Variants in STON2 observed in about 807,000 individuals in gnomAD.
STON2 encodes stonin-2.
A neutral mutation model predicts 65.7 loss-of-function variants in STON2; 29 were observed. The observed-to-expected ratio is 0.44, with a 90% CI of 0.33 to 0.60. The LOEUF is 0.60. Ranked by LOEUF, STON2 falls within the 20% of genes least tolerant of loss-of-function variation. The pLI, the probability that STON2 is intolerant of heterozygous loss-of-function variation, is 0.03. For missense variants in STON2, 1,054 were observed against 1,118.1 expected (o/e 0.94, Z 0.82); for synonymous variants, 404 against 414.2 (o/e 0.98, Z 0.30).
At chr14:81,393,855 G>A (rs544195986) in intron 3 of STON2, among the ~76,000 whole-genome samples, 7 of 152,218 alleles carry the variant, frequency 4.6e-5, no homozygotes, top group Non-Finnish European at 7.4e-5. Flanking sequence ...CTTCTTCCAC[G>A]CTGCACTGAG....
chr14:81,351,967 T>C (rs1054662259), intron 4 of STON2, among the ~76,000 whole-genome samples: 3 of 152,228 alleles, frequency 2.0e-5, no homozygotes, highest in African/African-American at 7.2e-5. Flanking sequence ...TCCTAAAGCC[T>C]AGGACGCCTT....
chr14:81,388,960 C>T (rs1175318640), intron 3 of STON2, among the ~76,000 whole-genome samples: 1 of 152,164 alleles, frequency 6.6e-6, no homozygotes, highest in East Asian at 1.9e-4. Context: ...ATCAGTTCTA[C>T]TTCTCCTCCT....
At chr14:81,336,721 G>A (rs1897385278) in intron 4 of STON2, among the ~76,000 whole-genome samples, 1 of 151,940 alleles carries the variant, frequency 6.6e-6, no homozygotes, top group Non-Finnish European at 1.5e-5. Flanking sequence ...GGAATTAAAG[G>A]GAGCACAATG....
rs1181880015 is a variant in STON2 at position 81,309,057 on chromosome 14, TGA to T, written c.742+14958_742+14959del. ...AAAATCTTGCTTTGCCCTGCTTCTA[TGA>T]GAATGGAAATAGGTTGTCAAAATTC... is the stretch of plus-strand genomic sequence containing the variant. On this transcript the variant is annotated intron_variant, in intron 5 of 7. Transcript: ENST00000614646. 6.9e-5 allele frequency among the ~76,000 whole-genome samples: 10 copies of T among 145,704 alleles called. No individual in the cohort carries two copies. In the East Asian group the frequency reaches 1.6e-3, roughly 24 times the overall value.
chr14:81,333,767 T>C (rs1001005908), intron 4 of STON2, among the ~76,000 whole-genome samples: 1 of 152,190 alleles, frequency 6.6e-6, no homozygotes, highest in Non-Finnish European at 1.5e-5. Flanking sequence ...TTAAGCTACT[T>C]GGTATCAACA....
At chr14:81,281,404 T>C (rs1443423790) in intron 5 of STON2, among the ~76,000 whole-genome samples, 4 of 152,228 alleles carry the variant, frequency 2.6e-5, no homozygotes, top group African/African-American at 9.6e-5. Context: ...AAGGGGTACA[T>C]CTCAAAACTC....
chr14:81,317,816 C>T (rs1257579369), intron 5 of STON2, among the ~76,000 whole-genome samples: 5 of 152,280 alleles, frequency 3.3e-5, no homozygotes, highest in South Asian at 2.1e-4. Flanking sequence ...AGTGGATAAC[C>T]AAGCCCAGTA....
At chr14:81,379,089 T>A (rs1361477654) in intron 3 of STON2, among the ~76,000 whole-genome samples, 1 of 152,212 alleles carries the variant, frequency 6.6e-6, no homozygotes, top group East Asian at 1.9e-4. Context: ...TAACTGTCAT[T>A]ATTTGCAGAT....
chr14:81,433,835 C>T (rs992636078), intron 1 of STON2, among the ~76,000 whole-genome samples: 24 of 152,168 alleles, frequency 1.6e-4, no homozygotes, highest in African/African-American at 5.8e-4. Context: ...GGAACTAAAT[C>T]TTGGCTGTTA....
intron 4 of STON2, among the ~76,000 whole-genome samples, chr14:81,340,884 C>T (rs970537999): frequency 5.3e-5 from 8 of 151,132 alleles, no homozygotes; most frequent in African/African-American, 1.9e-4. Flanking sequence ...TAGATTATTA[C>T]ATAACATCTA....
At chr14:81,295,326 AAAAAGAAAAG>A (rs975468265) in intron 5 of STON2, among the ~76,000 whole-genome samples, 3 of 152,200 alleles carry the variant, frequency 2.0e-5, no homozygotes, top group East Asian at 3.8e-4. Flanking sequence ...CTCCATCTCA[AAAAAGAAAAG>A]AAAAGAAAAG....
intron 4 of STON2, among the ~76,000 whole-genome samples, chr14:81,329,641 C>T (rs570595051): frequency 3.3e-5 from 5 of 152,186 alleles, no homozygotes; most frequent in Admixed American, 1.3e-4. Flanking sequence ...AATACATTTC[C>T]GTTGTTTTCA....
At chr14:81,387,013 A>G (rs1322532708) in intron 3 of STON2, among the ~76,000 whole-genome samples, 1 of 152,312 alleles carries the variant, frequency 6.6e-6, no homozygotes, top group Admixed American at 6.5e-5. Flanking sequence ...TTATATGTTA[A>G]TCAAACTTTT....
chr14:81,268,640 T>C, intron 7 of STON2, 143 bp from the exon 8 acceptor site: 1 of 1,223,008 alleles, frequency 8.2e-7, no homozygotes, highest in Non-Finnish European at 1.0e-6. Context: ...TTGGAGCTAC[T>C]GGCCCTGAGT....
intron 5 of STON2, among the ~76,000 whole-genome samples, chr14:81,296,016 A>G (rs982536221): frequency 2.0e-5 from 3 of 152,206 alleles, no homozygotes; most frequent in African/African-American, 7.2e-5. Flanking sequence ...TATTCTGCAT[A>G]TCCAGTTATA....
Position 81,277,517 on chromosome 14 carries a change from C to A in STON2, c.1965G>T (p.Arg655=), listed in dbSNP as rs775773898. The change falls in exon 6 of 8, where the codon CGG becomes CGT. Residue 655 remains arginine, a synonymous_variant. Transcript: ENST00000614646. ...CAGACAGGAAACTCAGGATGTGGAT[C>A]CGTGTCAAGACATGGTGCTGGAGAA... ...NQILQHHVLT[R]IHILSFLSGL... is the part of the protein sequence containing the mutation. 6.2e-7 allele frequency: 1 copy of A among 1,614,170 alleles called. No homozygotes were observed. The highest frequency in any genetic ancestry group is 8.5e-7 in the Non-Finnish European group (1 of 1,180,024).
At chr14:81,407,515 T>C (rs192318281) in intron 2 of STON2, among the ~76,000 whole-genome samples, 40 of 152,340 alleles carry the variant, frequency 2.6e-4, no homozygotes, top group African/African-American at 8.9e-4. Flanking sequence ...CCTGTCTACC[T>C]CTTTTTCATA....
Position 81,266,049 on chromosome 14 carries a change from C to G in STON2, c.*2365G>C. ...CTTGACAAAAACCTCAAAGGAACTC[C>G]ACTGTATTTCAAAGAGCATGAAAAA... On this transcript the variant is annotated 3_prime_UTR_variant, in exon 8 of 8. Transcript: ENST00000614646. The G allele has an allele frequency of 1.0e-6, 1 of 985,360 alleles. No homozygotes were observed. The highest frequency in any genetic ancestry group is 1.7e-5 in the African/African-American group (1 of 57,336). The allele number at this position is 985,360 out of a possible 1,614,324, so 61.0% of individuals were successfully genotyped here.
At chr14:81,362,350 G>A (rs1898531495) in intron 4 of STON2, among the ~76,000 whole-genome samples, 1 of 152,144 alleles carries the variant, frequency 6.6e-6, no homozygotes, top group African/African-American at 2.4e-5. Flanking sequence ...GATGGACTTG[G>A]ATAACACTAT....
Sources: allele counts gnomAD v4.1 joint callset (sites outside exome capture counted in the v4.1 genomes callset), GRCh38; gene constraint gnomAD v4.1.1; transcripts MANE v1.5; gene names NCBI Gene and HGNC (gene_info 2026-07-23, HGNC 2026-07-21).